FUBP1: variants seen among roughly 807,000 people sequenced by gnomAD.
The protein encoded by FUBP1 is far upstream element binding protein 1, also known as far upstream element-binding protein 1.
In FUBP1, 16 loss-of-function variants were observed where a neutral mutation model predicts 94.9. The ratio of observed to expected loss-of-function variants is 0.17; its 90% CI spans 0.11 to 0.26. FUBP1 has a LOEUF of 0.26. Ranked by LOEUF, FUBP1 falls within the 10% of genes least tolerant of loss-of-function variation. The probability of loss-of-function intolerance (pLI) is 1.00; values close to 1 mark genes in which losing one functional copy is unlikely to be tolerated. For synonymous variants in FUBP1, 279 were observed against 254.9 expected (o/e 1.09, Z -0.90); for missense variants, 583 against 808.6 (o/e 0.72, Z 3.38).
rs547801082 is a variant in FUBP1, at chr1:77,950,066, G to C, written c.1781-766C>G. The stretch of plus-strand genomic sequence containing the variant: ...CAATGAAATGCAACGCATGAATCTT[G>C]AATGTACTCTGAATTAAACAAAACA... On this transcript the variant is annotated intron_variant, in intron 18 of 19. Coordinates refer to ENST00000370768, the MANE Select transcript of FUBP1 (RefSeq NM_003902.5). 7.2e-5 allele frequency among the ~76,000 whole-genome samples: 11 copies of C among 152,342 alleles called. No homozygotes were observed. The South Asian group carries it at 1.7e-3, about 23-fold the overall frequency.
In FUBP1 at chr1:77,947,965, T is replaced by TATTCAC; in HGVS notation, c.*795_*800dup. On this transcript the variant is annotated 3_prime_UTR_variant, in exon 20 of 20. Coordinates refer to ENST00000370768, the MANE Select transcript of FUBP1 (RefSeq NM_003902.5). ...AAAACTGTTCTTATTAGACTACTCA[T>TATTCAC]ATTCACTATCTGAAAACTGTTTAAA... 9.9e-7 allele frequency: 1 copy of TATTCAC among 1,009,418 alleles called. No homozygotes were observed. The highest frequency in any genetic ancestry group is 1.2e-6 in the Non-Finnish European group (1 of 829,736). The allele number at this position is 1,009,418 out of a possible 1,614,324, so 62.5% of individuals were successfully genotyped here. A position where few individuals can be genotyped will look rare whatever the true frequency, so the allele number is the denominator to read the frequency against.
In FUBP1 at chr1:77,944,810, T is replaced by C. The variant is rs1651810948; in HGVS notation, c.*3956A>G. Among the ~76,000 whole-genome samples, 1 of 152,022 alleles carries C rather than the reference T, an allele frequency of 6.6e-6. No individual in the cohort carries two copies. Among genetic ancestry groups the C allele is most frequent in the Non-Finnish European group, 1.5e-5 (1 of 67,874 alleles). On this transcript the variant is annotated 3_prime_UTR_variant, in exon 20 of 20. Coordinates refer to ENST00000370768, the MANE Select transcript of FUBP1 (RefSeq NM_003902.5). ...ATATTTTACAATGTTTATAAACAACTAGTATCAAATTACTAGTTTTAGTAT... is the reference window on the plus strand; with the variant it reads ...ATATTTTACAATGTTTATAAACAACCAGTATCAAATTACTAGTTTTAGTAT...
chr1:77,947,353 C>T lies in FUBP1; in HGVS notation c.*1413G>A, dbSNP rs774628438. The T allele has an allele frequency of 9.7e-5, 44 of 452,912 alleles. No individual in the cohort carries two copies. Among genetic ancestry groups the T allele is most frequent in the Non-Finnish European group, 1.6e-4 (36 of 229,912 alleles). 28.1% of individuals were successfully genotyped at this position (452,912 alleles called of 1,614,324 possible). A position where few individuals can be genotyped will look rare whatever the true frequency, so the allele number is the denominator to read the frequency against. The stretch of plus-strand genomic sequence containing the variant: ...TTTTCCAAGATATCAGCACTGTATT[C>T]CAACATAATATTCACACAACGTATG... On this transcript the variant is annotated 3_prime_UTR_variant, in exon 20 of 20. Coordinates refer to ENST00000370768, the MANE Select transcript of FUBP1 (RefSeq NM_003902.5).
In FUBP1 at chr1:77,955,258, T is replaced by C; in HGVS notation, c.1777A>G (p.Met593Val). 7.5e-7 allele frequency: 1 copy of C among 1,339,794 alleles called. No homozygotes were observed. The allele number at this position is 1,339,794 out of a possible 1,614,324, so 83.0% of individuals were successfully genotyped here. ...TCAAGAAATGTATAAAACATACCCA[T>C]TTTCTTGTAGTACTCTTCCCAAGCC... ...TKAWEEYYKK[M>V]GQAVPAPTGA... Residue 593 changes from methionine (M) to valine (V), a missense_variant, in exon 18 of 20, where the codon ATG (methionine) becomes GTG (valine). Physicochemically the swap from Met to Val is conservative, Grantham distance 21. Transcript: ENST00000370768.
intron 18 of FUBP1, among the ~76,000 whole-genome samples, chr1:77,953,788 G>C (rs1653947852): frequency 6.6e-6 from 1 of 151,780 alleles, no homozygotes; most frequent in Non-Finnish European, 1.5e-5. Flanking sequence ...AACATAAAAA[G>C]TAAAACAAAA....
upstream of FUBP1, chr1:77,979,266 T>C (rs958744993): frequency 1.1e-5 from 5 of 452,512 alleles, no homozygotes; most frequent in South Asian, 7.1e-5. Flanking sequence ...GAATTTCTTT[T>C]GGCACCTCCT....
At position 77,946,023 on chromosome 1, in the gene FUBP1, A is replaced by C; in HGVS notation, c.*2743T>G. 5.1e-6 allele frequency: 1 copy of C among 197,140 alleles called. No homozygotes were observed. The highest frequency in any genetic ancestry group is 1.1e-5 in the Non-Finnish European group (1 of 94,978). 12.2% of individuals were successfully genotyped at this position (197,140 alleles called of 1,614,324 possible). ...GCATATAACTTTTGTCTAAGAAAAA[A>C]ATCATAATAAAATTCTAACCCATAA... On this transcript the variant is annotated 3_prime_UTR_variant, in exon 20 of 20. Transcript: ENST00000370768.
At position 77,978,930 on chromosome 1, in the gene FUBP1, T is replaced by TCCACCACCACCG. The variant is rs1553131285; in HGVS notation, c.63_74dup (p.Gly23_Gly26dup). 24 of 1,613,482 alleles carry TCCACCACCACCG rather than the reference T, an allele frequency of 1.5e-5. No homozygotes were observed. Among genetic ancestry groups the TCCACCACCACCG allele is most frequent in the Non-Finnish European group, 1.9e-5 (23 of 1,179,774 alleles). ...CATCTTTGAAAGCGTCGTTAACTCC[T>TCCACCACCACCG]CCACCACCACCGCCGCCACCACCGC... On this transcript the variant is annotated inframe_insertion, in exon 1 of 20. Coordinates refer to ENST00000370768, the MANE Select transcript of FUBP1 (RefSeq NM_003902.5).
rs995216081 is a variant in FUBP1, at chr1:77,946,366, T to TAA, written c.*2398_*2399dup. 5.1e-6 allele frequency: 1 copy of TAA among 194,736 alleles called. No individual in the cohort carries two copies. Among genetic ancestry groups the TAA allele is most frequent in the African/African-American group, 2.3e-5 (1 of 43,148 alleles). The allele number at this position is 194,736 out of a possible 1,614,324, so 12.1% of individuals were successfully genotyped here. A position where few individuals can be genotyped will look rare whatever the true frequency, so the allele number is the denominator to read the frequency against. On this transcript the variant is annotated 3_prime_UTR_variant, in exon 20 of 20. Coordinates refer to ENST00000370768, the MANE Select transcript of FUBP1 (RefSeq NM_003902.5). Reference sequence around the variant, plus strand: ...TACCCAGAAATGTAAACAGTTGCTTTAACAACTTACAGACTTTCCACTAAG... The same window carrying TAA: ...TACCCAGAAATGTAAACAGTTGCTTTAAAACAACTTACAGACTTTCCACTAAG...
rs748675922 is a variant in FUBP1 at position 77,955,309 on chromosome 1, G to T, written c.1726C>A (p.Pro576Thr). 1.3e-6 allele frequency: 2 copies of T among 1,573,202 alleles called. No homozygotes were observed. Among genetic ancestry groups the T allele is most frequent in the Non-Finnish European group, 1.7e-6 (2 of 1,142,990 alleles). ...TTGGTATAATCAACCTGTCCAGCTG[G>T]GGCTGGATTCTGCTGATCTCCTTGT... The part of the protein sequence containing the change: ...NGQGDQQNPA[P>T]AGQVDYTKAW... The change falls in exon 18 of 20, where the codon CCA becomes ACA. Residue 576 changes from proline (P) to threonine (T), a missense_variant. By Grantham distance (38) the Pro-to-Thr change is conservative (BLOSUM62 -1). Coordinates refer to ENST00000370768, the MANE Select transcript of FUBP1 (RefSeq NM_003902.5).
chr1:77,970,406 C>T (rs1231220153), intron 1 of FUBP1, among the ~76,000 whole-genome samples: 1 of 152,146 alleles, frequency 6.6e-6, no homozygotes, highest in East Asian at 1.9e-4. Context: ...AAGGTAGCCA[C>T]TAGCCATATG....
chr1:77,968,934 A>C, intron 2 of FUBP1: 1 of 453,618 alleles, frequency 2.2e-6, no homozygotes, highest in African/African-American at 2.1e-5. Flanking sequence ...CAGACACATA[A>C]TCCAAGAAAT....
At chr1:77,970,283 C>T (rs1657276245) in intron 1 of FUBP1, among the ~76,000 whole-genome samples, 1 of 151,394 alleles carries the variant, frequency 6.6e-6, no homozygotes, top group African/African-American at 2.4e-5. Context: ...GAAGAGAGAC[C>T]AGATTTAAAG....
chr1:77,958,458 A>G (rs1185523755), intron 16 of FUBP1, among the ~76,000 whole-genome samples: 1 of 152,190 alleles, frequency 6.6e-6, no homozygotes, highest in Non-Finnish European at 1.5e-5. Context: ...CTCTTTTTTT[A>G]AAGAAACATT....
intron 16 of FUBP1, among the ~76,000 whole-genome samples, chr1:77,957,798 T>A (rs1247568030): frequency 1.3e-5 from 2 of 151,874 alleles, no homozygotes; most frequent in African/African-American, 2.4e-5. Context: ...TGTTTACATA[T>A]CTCAATAGTG....
intron 2 of FUBP1, among the ~76,000 whole-genome samples, chr1:77,969,668 A>T (rs1261670518): frequency 6.6e-6 from 1 of 152,124 alleles, no homozygotes; most frequent in Non-Finnish European, 1.5e-5. Flanking sequence ...AATCTGGCAC[A>T]ATCCTAAAAG....
chr1:77,965,351 G>A, intron 7 of FUBP1, 120 bp from the exon 8 acceptor site: 2 of 511,200 alleles, frequency 3.9e-6, no homozygotes, highest in Non-Finnish European at 6.7e-6. Flanking sequence ...TAGGTGCCTT[G>A]ATGCTAACTT....
At chr1:77,962,706 A>G (rs1571295710) in intron 14 of FUBP1, 64 bp downstream of exon 14, 1 of 997,672 alleles carries the variant, frequency 1.0e-6, no homozygotes, top group East Asian at 2.5e-5. Context: ...ATTTGAATAA[A>G]CGTCTTAATT....
chr1:77,950,454 CCAGA>C (rs1653205126), intron 18 of FUBP1, among the ~76,000 whole-genome samples: 1 of 152,142 alleles, frequency 6.6e-6, no homozygotes. Context: ...ACCACTGTGC[CCAGA>C]CATTGAGTTT....
Sources: gnomAD v4.1 joint callset for allele counts (sites outside exome capture counted in the v4.1 genomes callset) on GRCh38, gnomAD v4.1.1 for gene constraint, MANE v1.5 for transcripts, NCBI Gene and HGNC (gene_info 2026-07-23, HGNC 2026-07-21) for gene names.